Variants in APBB2 observed in about 807,000 individuals in gnomAD.
APBB2 encodes the protein Fe65-like 1.
APBB2 carries 38 observed loss-of-function variants against 82.5 expected under a neutral mutation model. The observed-to-expected ratio is 0.46, with a 90% CI of 0.36 to 0.60. The LOEUF is 0.60. Among genes scored for constraint, APBB2 ranks in the 20% least tolerant of loss-of-function variants. The pLI, the probability that APBB2 is intolerant of heterozygous loss-of-function variation, is 0.00. For synonymous variants in APBB2, 341 were observed against 368.2 expected (o/e 0.93, Z 0.85); for missense variants, 772 against 972.3 (o/e 0.79, Z 2.74).
chr4:40,957,282 A>T (rs1271852626), intron 6 of APBB2, among the ~76,000 whole-genome samples: 2 of 152,268 alleles, frequency 1.3e-5, no homozygotes, highest in Admixed American at 1.3e-4. Context: ...TCTTCATTAA[A>T]AAAATATGAT....
At chr4:41,092,943 A>C (rs1742286046) in intron 3 of APBB2, among the ~76,000 whole-genome samples, 1 of 152,114 alleles carries the variant, frequency 6.6e-6, no homozygotes, top group East Asian at 1.9e-4. Context: ...AATGGGGATA[A>C]AGAGCTCCCC....
chr4:40,984,872 T>C (rs1176067329), intron 6 of APBB2, among the ~76,000 whole-genome samples: 2 of 152,178 alleles, frequency 1.3e-5, no homozygotes, highest in Admixed American at 1.3e-4. Flanking sequence ...ACCCTCTTGG[T>C]GAACACCGTA....
At chr4:41,022,680 C>A (rs1231079167) in intron 5 of APBB2, among the ~76,000 whole-genome samples, 2 of 152,290 alleles carry the variant, frequency 1.3e-5, no homozygotes, top group Non-Finnish European at 2.9e-5. Context: ...CTCCACCAAC[C>A]AGCACAGAGG....
intron 10 of APBB2, among the ~76,000 whole-genome samples, chr4:40,925,634 C>A (rs538376889): frequency 6.6e-6 from 1 of 152,094 alleles, no homozygotes; most frequent in Non-Finnish European, 1.5e-5. Context: ...GAAACCTGTA[C>A]CACGTGAATA....
intron 7 of APBB2, among the ~76,000 whole-genome samples, chr4:40,943,299 G>A (rs1449494870): frequency 6.6e-6 from 1 of 152,214 alleles, no homozygotes; most frequent in Non-Finnish European, 1.5e-5. Flanking sequence ...TCTGGCTATA[G>A]GGCACTCTCT....
rs1744592852 is a variant in APBB2 at position 40,812,422 on chromosome 4, GGCCAGGAACTACT to G, written c.*3657_*3669del. 1 of 152,240 alleles carries G rather than the reference GGCCAGGAACTACT, an allele frequency of 6.6e-6. No homozygotes were observed. Among genetic ancestry groups the G allele is most frequent in the Non-Finnish European group, 1.5e-5 (1 of 68,042 alleles). The allele number at this position is 152,240 out of a possible 1,614,324, so 9.4% of individuals were successfully genotyped here. Reference sequence around the variant, plus strand: ...TTCAGGGGAAGTAAGCTGCTCTGGAGGCCAGGAACTACTGCTTGCGTTGACACGGTGTGAGTGG... The same window carrying G: ...TTCAGGGGAAGTAAGCTGCTCTGGAGGCTTGCGTTGACACGGTGTGAGTGG... On this transcript the variant is annotated 3_prime_UTR_variant, in exon 18 of 18. Transcript: ENST00000508593.
intron 6 of APBB2, among the ~76,000 whole-genome samples, chr4:40,953,010 T>A (rs1440290328): frequency 6.6e-6 from 1 of 152,074 alleles, no homozygotes; most frequent in East Asian, 1.9e-4. Context: ...AAAATGGATT[T>A]TAGGCCAGGT....
intron 1 of APBB2, among the ~76,000 whole-genome samples, chr4:41,197,115 AT>A: frequency 2.6e-5 from 4 of 152,002 alleles, no homozygotes; most frequent in Non-Finnish European, 4.4e-5. Context: ...ATGCCGGTTT[AT>A]TTTTTTTATT....
rs117936902 is a variant in APBB2, at chr4:41,208,786, A to G, written c.-417+5619T>C. ...CAACAACAAAGAAAAGCTTTAATCC[A>G]TCCTTTTCTATACCATTCATTTCTT... On this transcript the variant is annotated intron_variant, in intron 1 of 17. Coordinates refer to ENST00000508593, the MANE Select transcript of APBB2 (RefSeq NM_004307.2). Among the ~76,000 whole-genome samples, 118 of 152,276 alleles carry G rather than the reference A, an allele frequency of 7.7e-4. 4 individuals are homozygous for G. The East Asian group carries it at 0.022, about 28-fold the overall frequency.
intron 1 of APBB2, among the ~76,000 whole-genome samples, chr4:41,168,465 A>T (rs1425117496): frequency 6.6e-6 from 1 of 152,076 alleles, no homozygotes; most frequent in Non-Finnish European, 1.5e-5. Context: ...CAGCATCCTG[A>T]GTAGCTGGGA....
At chr4:41,152,325 CTT>C (rs912800375) in intron 1 of APBB2, among the ~76,000 whole-genome samples, 4 of 145,152 alleles carry the variant, frequency 2.8e-5, no homozygotes, top group African/African-American at 5.0e-5. Flanking sequence ...TTCTTTTCTT[CTT>C]TTTTTTTTTT....
At chr4:40,951,134 G>C (rs182587712) in intron 6 of APBB2, among the ~76,000 whole-genome samples, 72 of 152,346 alleles carry the variant, frequency 4.7e-4, no homozygotes, top group Admixed American at 4.4e-3. Flanking sequence ...GGGAGAGACA[G>C]TGAAGCTCAC....
intron 1 of APBB2, among the ~76,000 whole-genome samples, chr4:41,196,568 T>C: frequency 4.6e-5 from 7 of 151,512 alleles, no homozygotes; most frequent in Non-Finnish European, 8.8e-5. Flanking sequence ...TGCTGGTCTT[T>C]GCTGTTCCTG....
At chr4:40,997,758 T>G (rs1321690225) in intron 6 of APBB2, among the ~76,000 whole-genome samples, 1 of 152,236 alleles carries the variant, frequency 6.6e-6, no homozygotes, top group Non-Finnish European at 1.5e-5. Context: ...AGCAAGACAG[T>G]AGCATAAGCT....
At chr4:40,820,393 G>A (rs1348617636) in intron 17 of APBB2, among the ~76,000 whole-genome samples, 2 of 152,140 alleles carry the variant, frequency 1.3e-5, no homozygotes, top group South Asian at 2.1e-4. Context: ...GGCTGGGTGC[G>A]GTGGCTCATG....
At chr4:41,023,983 A>C (rs1712864536) in intron 5 of APBB2, among the ~76,000 whole-genome samples, 1 of 152,204 alleles carries the variant, frequency 6.6e-6, no homozygotes, top group Non-Finnish European at 1.5e-5. Flanking sequence ...AAAAACAAGA[A>C]CACACAGACC....
rs146878467 is a variant in APBB2 at position 40,998,869 on chromosome 4, T to C, written c.835+14714A>G. On this transcript the variant is annotated intron_variant, in intron 6 of 17. Coordinates refer to ENST00000508593, the MANE Select transcript of APBB2 (RefSeq NM_004307.2). ...CTAAGCAACTCACAGGTCGGTTTCATAGGCAGGATGGGTGTGCAGGACAAA... is the reference window on the plus strand; with the variant it reads ...CTAAGCAACTCACAGGTCGGTTTCACAGGCAGGATGGGTGTGCAGGACAAA... Among the ~76,000 whole-genome samples, 4 of 152,224 alleles carry C rather than the reference T, an allele frequency of 2.6e-5. No individual in the cohort carries two copies. In the East Asian group the frequency reaches 7.7e-4, roughly 29 times the overall value.
intron 4 of APBB2, among the ~76,000 whole-genome samples, chr4:41,047,214 A>G (rs1202845067): frequency 6.6e-6 from 1 of 152,214 alleles, no homozygotes; most frequent in Non-Finnish European, 1.5e-5. Flanking sequence ...TCCAACTGTA[A>G]GGTACTCGAT....
At chr4:40,820,183 A>G (rs989107679) in intron 17 of APBB2, among the ~76,000 whole-genome samples, 1 of 152,204 alleles carries the variant, frequency 6.6e-6, no homozygotes, top group Admixed American at 6.5e-5. Flanking sequence ...TCCCCCAGCC[A>G]GGCAGCTCGG....
Sources: gnomAD v4.1 joint callset for allele counts (sites outside exome capture counted in the v4.1 genomes callset) on GRCh38, gnomAD v4.1.1 for gene constraint, MANE v1.5 for transcripts, NCBI Gene and HGNC (gene_info 2026-07-23, HGNC 2026-07-21) for gene names.